The following ANAPC1 variants were observed in gnomAD, a reference collection of about 807,000 sequenced individuals.
The protein encoded by ANAPC1 is anaphase-promoting complex subunit 1.
Under a neutral mutation model 208.0 loss-of-function variants are expected in ANAPC1, and 36 were observed. The ratio of observed to expected loss-of-function variants is 0.17; its 90% CI spans 0.13 to 0.23. ANAPC1 has a LOEUF of 0.23. ANAPC1 is among the 10% of genes least tolerant of loss of function. ANAPC1 has a pLI of 1.00. For synonymous variants in ANAPC1, 378 were observed against 695.2 expected (o/e 0.54, Z 7.18); for missense variants, 942 against 2,011.6 (o/e 0.47, Z 10.17).
At chr2:111,834,037 G>T (rs546426028) in intron 19 of ANAPC1, among the ~76,000 whole-genome samples, 2 of 152,156 alleles carry the variant, frequency 1.3e-5, no homozygotes, top group African/African-American at 4.8e-5. Context: ...GTGTTGAAAC[G>T]TATTATTAGA....
At chr2:111,863,649 A>G (rs1281700430) in intron 9 of ANAPC1, 26 bp downstream of exon 9, 1 of 1,595,062 alleles carries the variant, frequency 6.3e-7, no homozygotes, top group Non-Finnish European at 8.5e-7. Context: ...GAAAGCTTAG[A>G]AAGAAAAACC....
chr2:111,856,710 T>G, intron 12 of ANAPC1, 31 bp from the exon 13 acceptor site: 1 of 1,613,672 alleles, frequency 6.2e-7, no homozygotes, highest in Non-Finnish European at 8.5e-7. Context: ...AAAAATTTAT[T>G]TCCCAATCTG....
chr2:111,798,482 A>AT (rs1678271537), intron 34 of ANAPC1, among the ~76,000 whole-genome samples: 1 of 151,964 alleles, frequency 6.6e-6, no homozygotes, highest in South Asian at 2.1e-4. Context: ...CATGTACCTC[A>AT]TATCATATAC....
chr2:111,799,071 T>C (rs1430024195), intron 34 of ANAPC1, among the ~76,000 whole-genome samples: 2 of 150,426 alleles, frequency 1.3e-5, no homozygotes, highest in African/African-American at 4.9e-5. Context: ...AACGGGTTTC[T>C]AGAATGCATT....
intron 1 of ANAPC1, among the ~76,000 whole-genome samples, chr2:111,882,373 C>T (rs1450143554): frequency 6.6e-6 from 1 of 152,050 alleles, no homozygotes; most frequent in Non-Finnish European, 1.5e-5. Flanking sequence ...ACACAAACAG[C>T]CAAAGCCTAT....
intron 6 of ANAPC1, among the ~76,000 whole-genome samples, chr2:111,872,157 G>A (rs1233164453): frequency 6.6e-6 from 1 of 152,012 alleles, no homozygotes; most frequent in Non-Finnish European, 1.5e-5. Flanking sequence ...TTAATTTGTG[G>A]TAAGTCCCTT....
Position 111,831,390 on chromosome 2 carries a change from G to A in ANAPC1, c.2521C>T (p.Pro841Ser), listed in dbSNP as rs760318520. 7 of 1,611,578 alleles carry A rather than the reference G, an allele frequency of 4.3e-6. No individual in the cohort carries two copies. The South Asian group carries it at 7.7e-5, about 18-fold the overall frequency. ...MHHPSFFTSE[P>S]PSIYQWVSSC... ...CTCACCCACTGATAAATACTTGGTG[G>A]CTCAGACGTAAAAAATGATGGATGA... is the stretch of plus-strand genomic sequence containing the variant. Residue 841 changes from proline (P) to serine (S), a missense_variant, in exon 21 of 48, where the codon CCA (proline) becomes TCA (serine). By Grantham distance (74) the Pro-to-Ser change is moderately conservative. Coordinates refer to ENST00000341068, the MANE Select transcript of ANAPC1 (RefSeq NM_022662.4).
intron 14 of ANAPC1, among the ~76,000 whole-genome samples, chr2:111,848,882 T>C (rs1029664063): frequency 6.6e-6 from 1 of 152,134 alleles, no homozygotes; most frequent in East Asian, 1.9e-4. Flanking sequence ...CAGTATTTAA[T>C]GGTATTTCCC....
chr2:111,827,454 T>G (rs760510445), intron 21 of ANAPC1, among the ~76,000 whole-genome samples: 1 of 152,148 alleles, frequency 6.6e-6, no homozygotes, highest in Non-Finnish European at 1.5e-5. Flanking sequence ...TACAAGTGAC[T>G]CAATAGAAAA....
At chr2:111,868,501 A>C (rs1375854899) in intron 6 of ANAPC1, among the ~76,000 whole-genome samples, 4 of 152,184 alleles carry the variant, frequency 2.6e-5, no homozygotes, top group Non-Finnish European at 4.4e-5. Context: ...TTTTTAAAAA[A>C]GGAAGAAACA....
At chr2:111,858,518 T>C in intron 10 of ANAPC1, 117 bp from the exon 11 acceptor site, 1 of 643,782 alleles carries the variant, frequency 1.6e-6, no homozygotes, top group Non-Finnish European at 2.6e-6. Flanking sequence ...CCCAACACTT[T>C]GGGAGGCCGA....
At chr2:111,846,383 C>T (rs2104506594) in intron 16 of ANAPC1, among the ~76,000 whole-genome samples, 1 of 123,366 alleles carries the variant, frequency 8.1e-6, no homozygotes, top group South Asian at 3.0e-4. Context: ...CACAATTTAT[C>T]TGAAAATTGA....
In ANAPC1 at chr2:111,863,683, T is replaced by A; in HGVS notation, c.1044A>T (p.Ala348=). The part of the protein sequence containing the change: ...HSRSPSISNM[A]ALSRAHSPAL... ...CCAGGAAACCCTTATACCTTAGAGC[T>A]GCCATGTTGGAAATAGAAGGTGAGC... Residue 348 remains alanine, a synonymous_variant, in exon 9 of 48, where the codon GCA becomes GCT. Coordinates refer to ENST00000341068, the MANE Select transcript of ANAPC1 (RefSeq NM_022662.4). The A allele has an allele frequency of 6.2e-7, 1 of 1,613,278 alleles. No individual in the cohort carries two copies.
At chr2:111,827,027 T>C (rs1248546612) in intron 21 of ANAPC1, among the ~76,000 whole-genome samples, 2 of 122,496 alleles carry the variant, frequency 1.6e-5, no homozygotes, top group East Asian at 2.3e-4. Flanking sequence ...CGAAAGTGTA[T>C]GTTTAACTTC....
At chr2:111,769,592 C>T (rs1406735614) in intron 47 of ANAPC1, among the ~76,000 whole-genome samples, 186 bp from the exon 48 acceptor site, 3 of 151,450 alleles carry the variant, frequency 2.0e-5, no homozygotes, top group Non-Finnish European at 4.4e-5. Context: ...ATTGAGTATC[C>T]CTTTTCCAAA....
intron 21 of ANAPC1, among the ~76,000 whole-genome samples, chr2:111,827,659 G>GT (rs1679907699): frequency 6.6e-6 from 1 of 152,156 alleles, no homozygotes; most frequent in Admixed American, 6.5e-5. Context: ...GGAGGCCGAG[G>GT]TGGAAGGACT....
At chr2:111,851,257 T>C (rs893543032) in intron 13 of ANAPC1, among the ~76,000 whole-genome samples, 3 of 152,126 alleles carry the variant, frequency 2.0e-5, no homozygotes, top group African/African-American at 4.8e-5. Context: ...CACATGCCAC[T>C]ATGCCTGGTT....
intron 9 of ANAPC1, 43 bp from the exon 10 acceptor site, chr2:111,862,641 G>T: frequency 6.3e-7 from 1 of 1,592,054 alleles, no homozygotes; most frequent in Non-Finnish European, 8.5e-7. Flanking sequence ...AGTTAGCAAG[G>T]CAGGCTTATA....
chr2:111,838,847 A>C (rs532413906), intron 17 of ANAPC1, among the ~76,000 whole-genome samples: 1 of 152,318 alleles, frequency 6.6e-6, no homozygotes, highest in African/African-American at 2.4e-5. Flanking sequence ...GCATATCCAC[A>C]ATATACCAAG....
Sources: allele counts gnomAD v4.1 joint callset (sites outside exome capture counted in the v4.1 genomes callset), GRCh38; gene constraint gnomAD v4.1.1; transcripts MANE v1.5; gene names NCBI Gene and HGNC (gene_info 2026-07-23, HGNC 2026-07-21).